Variants in APPL2 observed in about 807,000 individuals in gnomAD.
APPL2 encodes the protein DCC-interacting protein 13-beta.
APPL2 carries 84 observed loss-of-function variants against 92.7 expected under a neutral mutation model. The ratio of observed to expected loss-of-function variants is 0.91; its 90% CI spans 0.76 to 1.09. The LOEUF is 1.09. Ranked by LOEUF, APPL2 falls within the 50% of genes least tolerant of loss-of-function variation. APPL2 has a pLI of 0.00. For synonymous variants in APPL2, 291 were observed against 291.0 expected (o/e 1.00, Z 0.00); for missense variants, 736 against 824.5 (o/e 0.89, Z 1.31).
chr12:105,222,387 G>A (rs1459765456), intron 2 of APPL2, among the ~76,000 whole-genome samples: 6 of 152,130 alleles, frequency 3.9e-5, no homozygotes, highest in African/African-American at 1.4e-4. Flanking sequence ...ACAAGTGTCT[G>A]AGCCTGAGGC....
At chr12:105,206,670 G>A (rs574823949) in intron 8 of APPL2, among the ~76,000 whole-genome samples, 5 of 152,144 alleles carry the variant, frequency 3.3e-5, no homozygotes, top group Non-Finnish European at 7.3e-5. Flanking sequence ...AGCAGAGCGG[G>A]GGCCTTACTA....
At chr12:105,189,713 C>T in intron 16 of APPL2, 59 bp downstream of exon 16, 4 of 1,522,472 alleles carry the variant, frequency 2.6e-6, no homozygotes, top group Non-Finnish European at 3.6e-6. Flanking sequence ...CATCTTATTT[C>T]AATGGCCGTT....
At position 105,217,229 on chromosome 12, in the gene APPL2, CCGA is replaced by C. The variant is rs962428992; in HGVS notation, c.214-92_214-90del. 8.2e-5 allele frequency: 65 copies of C among 795,424 alleles called. No individual in the cohort carries two copies. In the African/African-American group the frequency reaches 1.0e-3, roughly 13 times the overall value. The allele number at this position is 795,424 out of a possible 1,614,324, so 49.3% of individuals were successfully genotyped here. A position where few individuals can be genotyped will look rare whatever the true frequency, so the allele number is the denominator to read the frequency against. ...CACCTGCAGAACACGACCCTCCACA[CCGA>C]CGTCCTTTCTTCTCCAAGAGCACGT... On this transcript the variant is annotated intron_variant, in intron 3 of 20. Coordinates refer to ENST00000258530, the MANE Select transcript of APPL2 (RefSeq NM_018171.5).
At chr12:105,204,091 GGAA>G (rs1168293193) in intron 8 of APPL2, among the ~76,000 whole-genome samples, 1 of 152,168 alleles carries the variant, frequency 6.6e-6, no homozygotes, top group East Asian at 1.9e-4. Flanking sequence ...ATGGGAGAGG[GGAA>G]GAAGAACATT....
intron 10 of APPL2, among the ~76,000 whole-genome samples, chr12:105,198,167 G>A (rs755457793): frequency 6.6e-6 from 1 of 152,142 alleles, no homozygotes; most frequent in Non-Finnish European, 1.5e-5. Context: ...GCTTCCAAGG[G>A]AGACACCAGT....
At chr12:105,206,400 C>T (rs146662529) in intron 8 of APPL2, among the ~76,000 whole-genome samples, 9 of 152,242 alleles carry the variant, frequency 5.9e-5, no homozygotes, top group East Asian at 3.9e-4. Flanking sequence ...GTGGGGCAAA[C>T]GCAGGATGGG....
chr12:105,236,155 G>T lies in APPL2; in HGVS notation c.-143C>A. The T allele has an allele frequency of 2.8e-6, 1 of 362,486 alleles. No homozygotes were observed. Among genetic ancestry groups the T allele is most frequent in the Non-Finnish European group, 4.0e-6 (1 of 249,566 alleles). The allele number at this position is 362,486 out of a possible 1,614,324, so 22.5% of individuals were successfully genotyped here. A position where few individuals can be genotyped will look rare whatever the true frequency, so the allele number is the denominator to read the frequency against. On this transcript the variant is annotated 5_prime_UTR_variant, in exon 1 of 21. Transcript: ENST00000258530. ...GCGGCCCCGCGCGCGTCCACGCCTG[G>T]CCAGTGGCCGCCGCCGCCTGCCCGC...
At chr12:105,229,096 C>T (rs373120585) in intron 2 of APPL2, 29 bp downstream of exon 2, 31 of 1,581,278 alleles carry the variant, frequency 2.0e-5, no homozygotes, top group Admixed American at 6.9e-5. Flanking sequence ...GCCCACTCTG[C>T]GGTATCCAGG....
chr12:105,217,032 A>G, intron 4 of APPL2, 37 bp downstream of exon 4: 8 of 1,456,782 alleles, frequency 5.5e-6, no homozygotes, highest in Non-Finnish European at 7.6e-6. Flanking sequence ...AAGTTCGAGA[A>G]AGAATCAAAT....
At chr12:105,222,078 C>T (rs369663650) in intron 2 of APPL2, among the ~76,000 whole-genome samples, 2 of 152,156 alleles carry the variant, frequency 1.3e-5, no homozygotes, top group East Asian at 1.9e-4. Flanking sequence ...CTGGCGGTCA[C>T]GGGTCGCACT....
chr12:105,212,701 C>T (rs945957902), intron 4 of APPL2, among the ~76,000 whole-genome samples: 1 of 152,244 alleles, frequency 6.6e-6, no homozygotes, highest in Non-Finnish European at 1.5e-5. Flanking sequence ...ACCCAGCAAT[C>T]ACTTTTGGAT....
intron 8 of APPL2, among the ~76,000 whole-genome samples, chr12:105,204,744 C>T (rs1046758962): frequency 2.6e-5 from 4 of 152,174 alleles, no homozygotes; most frequent in African/African-American, 7.2e-5. Context: ...TTGGAATTTA[C>T]ACTCCTAGGC....
chr12:105,234,957 A>G (rs770761570), intron 1 of APPL2, among the ~76,000 whole-genome samples: 1 of 152,224 alleles, frequency 6.6e-6, no homozygotes, highest in Non-Finnish European at 1.5e-5. Context: ...CTTCGGACTT[A>G]TTCTGAACTG....
chr12:105,185,302 T>C (rs531672198), intron 17 of APPL2, among the ~76,000 whole-genome samples: 72 of 152,028 alleles, frequency 4.7e-4, no homozygotes, highest in African/African-American at 1.7e-3. Context: ...GCCACTGGGG[T>C]GCGAAAAAAA....
chr12:105,174,977 C>T (rs932197204), intron 20 of APPL2, among the ~76,000 whole-genome samples: 7 of 151,932 alleles, frequency 4.6e-5, no homozygotes, highest in Non-Finnish European at 5.9e-5. Context: ...TTCGCCTCCC[C>T]GGTTCAAACG....
chr12:105,229,728 T>C (rs1334491786), intron 1 of APPL2: 2 of 986,026 alleles, frequency 2.0e-6, no homozygotes, highest in Non-Finnish European at 2.4e-6. Flanking sequence ...AGTGTAGGAG[T>C]GTGTCATTCT....
chr12:105,217,765 T>C (rs745840415), intron 2 of APPL2, 40 bp from the exon 3 acceptor site: 32 of 1,591,496 alleles, frequency 2.0e-5, no homozygotes, highest in South Asian at 8.8e-5. Context: ...ATTAGTCCAA[T>C]GTATACATAG....
Position 105,187,037 on chromosome 12 carries a change from T to C in APPL2, c.1634+1236A>G, listed in dbSNP as rs1250600326. Among the ~76,000 whole-genome samples the C allele has an allele frequency of 2.0e-5, 3 of 152,338 alleles. No individual in the cohort carries two copies. The East Asian group carries it at 5.8e-4, about 29-fold the overall frequency. ...TTTTTCCCATTCTGTAGTTTTTCTT[T>C]TCACTTTGATGTGCTGTGGTTTTTC... On this transcript the variant is annotated intron_variant, in intron 17 of 20. Coordinates refer to ENST00000258530, the MANE Select transcript of APPL2 (RefSeq NM_018171.5).
intron 3 of APPL2, among the ~76,000 whole-genome samples, 177 bp downstream of exon 3, chr12:105,217,489 T>C (rs543507237): frequency 1.3e-5 from 2 of 152,330 alleles, no homozygotes; most frequent in Admixed American, 1.3e-4. Context: ...GAATACCTCA[T>C]AAAGACTTTG....
Sources: allele counts gnomAD v4.1 joint callset (sites outside exome capture counted in the v4.1 genomes callset), GRCh38; gene constraint gnomAD v4.1.1; transcripts MANE v1.5; gene names NCBI Gene and HGNC (gene_info 2026-07-23, HGNC 2026-07-21).